Variants in SULF1 observed in about 807,000 individuals in gnomAD.
The protein encoded by SULF1 is extracellular sulfatase Sulf-1.
SULF1 carries 46 observed loss-of-function variants against 110.5 expected under a neutral mutation model. The ratio of observed to expected loss-of-function variants is 0.42; its 90% CI spans 0.33 to 0.53. SULF1 has a LOEUF of 0.53. SULF1 is among the 20% of genes least tolerant of loss of function. The pLI is 0.12. For missense variants in SULF1, 941 were observed against 1,094.2 expected, an observed-to-expected ratio of 0.86 and a Z score of 1.98; for synonymous variants, 371 against 387.1, an observed-to-expected ratio of 0.96 and a Z score of 0.49.
At chr8:69,557,703 T>C (rs1354919663) in intron 3 of SULF1, among the ~76,000 whole-genome samples, 2 of 152,178 alleles carry the variant, frequency 1.3e-5, no homozygotes, top group African/African-American at 4.8e-5. Context: ...TCTGTCCCTC[T>C]CCCTCACCAT....
intron 13 of SULF1, among the ~76,000 whole-genome samples, chr8:69,608,258 A>G (rs1204288734): frequency 2.0e-5 from 3 of 152,244 alleles, no homozygotes; most frequent in African/African-American, 7.2e-5. Flanking sequence ...TGTGAGGATT[A>G]AGTGATATTA....
rs201468946 is a variant in SULF1 at position 69,601,713 on chromosome 8, C to T, written c.945C>T (p.Ala315=). ...AGAATACTTACATCATTTACACCGC[C>T]GACCATGGTTACCATATTGGGCAGT... The part of the protein sequence containing the change: ...ELENTYIIYT[A]DHGYHIGQFG... The change falls in exon 10 of 23, where the codon GCC becomes GCT. Residue 315 remains alanine, a synonymous_variant. Transcript: ENST00000402687. 1.5e-5 allele frequency: 24 copies of T among 1,613,500 alleles called. No individual in the cohort carries two copies. The African/African-American group carries it at 1.6e-4, about 11-fold the overall frequency.
intron 1 of SULF1, among the ~76,000 whole-genome samples, chr8:69,478,525 A>G (rs1002132508): frequency 1.3e-5 from 2 of 152,042 alleles, no homozygotes; most frequent in South Asian, 2.1e-4. Flanking sequence ...ACGTGCTCAC[A>G]CTGTTTTCTG....
chr8:69,597,080 G>A (rs906530948), intron 8 of SULF1: 8 of 152,180 alleles, frequency 5.3e-5, no homozygotes, highest in Admixed American at 5.2e-4. Flanking sequence ...CCCAAAAACA[G>A]GTACCTGCTT....
At chr8:69,626,751 G>A (rs1397024684) in intron 15 of SULF1, among the ~76,000 whole-genome samples, 1 of 152,252 alleles carries the variant, frequency 6.6e-6, no homozygotes, top group Non-Finnish European at 1.5e-5. Flanking sequence ...GCAAGGGCCG[G>A]CCGGCCTCTG....
intron 3 of SULF1, among the ~76,000 whole-genome samples, chr8:69,512,800 G>A (rs74493361): frequency 1.3e-5 from 2 of 152,102 alleles, no homozygotes; most frequent in African/African-American, 4.8e-5. Context: ...GACTGCTCTT[G>A]CTTCCTCAGA....
At chr8:69,577,283 T>C (rs893498347) in intron 6 of SULF1, among the ~76,000 whole-genome samples, 2 of 152,204 alleles carry the variant, frequency 1.3e-5, no homozygotes, top group Non-Finnish European at 2.9e-5. Flanking sequence ...CACCTTTCAT[T>C]TGAGGACTCT....
intron 13 of SULF1, among the ~76,000 whole-genome samples, chr8:69,613,997 C>A (rs1329652145): frequency 6.6e-6 from 1 of 151,958 alleles, no homozygotes; most frequent in Non-Finnish European, 1.5e-5. Flanking sequence ...TCTTTGAATC[C>A]CAACCCAATA....
At chr8:69,602,519 C>A (rs1807905611) in intron 10 of SULF1, among the ~76,000 whole-genome samples, 1 of 152,174 alleles carries the variant, frequency 6.6e-6, no homozygotes, top group African/African-American at 2.4e-5. Context: ...AGCCTGGACC[C>A]CTGATGTAAC....
At chr8:69,542,429 G>A (rs997837975) in intron 3 of SULF1, among the ~76,000 whole-genome samples, 2 of 152,056 alleles carry the variant, frequency 1.3e-5, no homozygotes, top group African/African-American at 4.8e-5. Context: ...TCATGATGGA[G>A]TGTTCTGTGG....
intron 13 of SULF1, among the ~76,000 whole-genome samples, chr8:69,610,772 T>A (rs1005282775): frequency 3.3e-5 from 5 of 152,278 alleles, no homozygotes; most frequent in African/African-American, 1.2e-4. Context: ...TTGTACTGTG[T>A]CTTCTTTTCC....
rs746576800 is a variant in SULF1, at chr8:69,627,282, C to T, written c.1923C>T (p.Asp641=). The part of the protein sequence containing the change: ...ELYQSARAWK[D]HKAYIDKEIE... ...ACCAATCGGCCAGAGCGTGGAAGGA[C>T]CATAAGGCATACATTGACAAAGAGG... Residue 641 remains aspartate, a synonymous_variant, in exon 16 of 23, where the codon GAC becomes GAT. Coordinates refer to ENST00000402687, the MANE Select transcript of SULF1 (RefSeq NM_001128205.2). 2 of 1,613,886 alleles carry T rather than the reference C, an allele frequency of 1.2e-6. No individual in the cohort carries two copies. The highest frequency in any genetic ancestry group is 1.7e-6 in the Non-Finnish European group (2 of 1,179,768).
At chr8:69,563,504 G>A (rs1009643639) in intron 3 of SULF1, 35 bp from the exon 4 acceptor site, 1 of 156,314 alleles carries the variant, frequency 6.4e-6, no homozygotes, top group African/African-American at 2.4e-5. Context: ...ATCATTGACT[G>A]ATATTTCCTT....
intron 10 of SULF1, among the ~76,000 whole-genome samples, chr8:69,602,910 C>T (rs942504188): frequency 1.3e-5 from 2 of 152,114 alleles, no homozygotes; most frequent in Non-Finnish European, 2.9e-5. Flanking sequence ...ATGCTTGCTG[C>T]AAAAACCATG....
At chr8:69,630,875 T>A (rs62512183) in intron 19 of SULF1, among the ~76,000 whole-genome samples, 17,261 of 152,190 alleles carry the variant, frequency 0.11, 1,205 homozygotes, top group Middle Eastern at 0.26. Flanking sequence ...CGTGCAGGTT[T>A]GTTACGTATG....
At chr8:69,493,448 TACACACACACACACACACACACAC>T (rs56867664) in intron 1 of SULF1, among the ~76,000 whole-genome samples, 43 of 144,386 alleles carry the variant, frequency 3.0e-4, no homozygotes, top group Admixed American at 2.4e-3. Flanking sequence ...CACACAACAC[TACACACACACACACACACACACAC>T]ACACACACAC....
At chr8:69,608,497 T>C (rs1228854276) in intron 13 of SULF1, among the ~76,000 whole-genome samples, 1 of 152,022 alleles carries the variant, frequency 6.6e-6, no homozygotes, top group African/African-American at 2.4e-5. Flanking sequence ...CTGGCCGACA[T>C]AGTCATAGTG....
rs760150978 is a variant in SULF1 at position 69,624,162 on chromosome 8, C to T, written c.1815C>T (p.Ala605=). 33 of 1,608,054 alleles carry T rather than the reference C, an allele frequency of 2.1e-5. No homozygotes were observed. Among genetic ancestry groups the T allele is most frequent in the Non-Finnish European group, 1.9e-5 (22 of 1,176,342 alleles). The change falls in exon 15 of 23, where the codon GCC becomes GCT. Residue 605 remains alanine (A), a synonymous_variant. Transcript: ENST00000402687. Reference sequence around the variant, plus strand: ...GGATGCTGGCAGATAGCAGCAACGCCGTGGGCCCACCTACCACTGTCCGAG... The same window carrying T: ...GGATGCTGGCAGATAGCAGCAACGCTGTGGGCCCACCTACCACTGTCCGAG... The part of the protein sequence containing the change: ...RGRMLADSSN[A]VGPPTTVRVT...
chr8:69,507,800 C>G (rs1369401692), intron 3 of SULF1, among the ~76,000 whole-genome samples: 3 of 152,058 alleles, frequency 2.0e-5, no homozygotes, highest in East Asian at 1.9e-4. Flanking sequence ...GTCCTTCTCT[C>G]TCTTGCAGAT....
Sources: allele counts gnomAD v4.1 joint callset (sites outside exome capture counted in the v4.1 genomes callset), GRCh38; gene constraint gnomAD v4.1.1; transcripts MANE v1.5; gene names NCBI Gene and HGNC (gene_info 2026-07-23, HGNC 2026-07-21).